COL10A1: variants seen among roughly 807,000 people sequenced by gnomAD.
COL10A1 encodes the protein collagen alpha-1(X) chain.
In COL10A1, 10 loss-of-function variants were observed where a neutral mutation model predicts 18.2. That is an observed-to-expected ratio of 0.55 (90% CI 0.34 to 0.93). The LOEUF (loss-of-function observed/expected upper bound fraction) is 0.93, where lower values mean the gene tolerates loss of function less well. COL10A1 is among the 40% of genes least tolerant of loss of function. COL10A1 has a pLI of 0.02. For missense variants in COL10A1, 897 were observed against 853.5 expected, an observed-to-expected ratio of 1.05 and a Z score of -0.64; for synonymous variants, 330 against 316.6, an observed-to-expected ratio of 1.04 and a Z score of -0.45.
chr6:116,123,149 A>G (rs1251849209), intron 2 of COL10A1, among the ~76,000 whole-genome samples: 1 of 152,200 alleles, frequency 6.6e-6, no homozygotes, highest in Non-Finnish European at 1.5e-5. Context: ...GGTCATGTTC[A>G]CACTAAAAAT....
the COL10A1 span, among the ~76,000 whole-genome samples, chr6:116,209,810 A>G: frequency 6.6e-6 from 1 of 152,036 alleles, no homozygotes; most frequent in African/African-American, 2.4e-5. Flanking sequence ...TGAATTTTAT[A>G]ATTATTATCC....
upstream of COL10A1, among the ~76,000 whole-genome samples, chr6:116,127,354 C>T (rs1779344460): frequency 6.6e-6 from 1 of 152,092 alleles, no homozygotes; most frequent in African/African-American, 2.4e-5. Context: ...CATTGCCTCT[C>T]TCCTCTTGCT....
intron 1 of COL10A1, chr6:116,145,597 A>G (rs1779878819): frequency 5.5e-6 from 1 of 181,830 alleles, no homozygotes; most frequent in African/African-American, 2.4e-5. Flanking sequence ...CCTCTTACCT[A>G]ATATTTGTTT....
At chr6:116,195,472 C>T in the COL10A1 span, among the ~76,000 whole-genome samples, 1 of 151,726 alleles carries the variant, frequency 6.6e-6, no homozygotes, top group Non-Finnish European at 1.5e-5. Flanking sequence ...AAATTGTGAC[C>T]AAATCATTAC....
intron 1 of COL10A1, among the ~76,000 whole-genome samples, chr6:116,152,088 G>A (rs1424798048): frequency 6.6e-6 from 1 of 152,188 alleles, no homozygotes; most frequent in African/African-American, 2.4e-5. Flanking sequence ...TGGAAATTTT[G>A]GAGGAGGTGG....
the COL10A1 span, among the ~76,000 whole-genome samples, chr6:116,197,583 C>T: frequency 6.6e-6 from 1 of 152,006 alleles, no homozygotes; most frequent in African/African-American, 2.4e-5. Context: ...CAGTATAATA[C>T]AGTAATGAAG....
chr6:116,212,853 T>A, the COL10A1 span, among the ~76,000 whole-genome samples: 1 of 152,170 alleles, frequency 6.6e-6, no homozygotes, highest in Non-Finnish European at 1.5e-5. Flanking sequence ...TACTTGTTAA[T>A]TTTGGATTTC....
chr6:116,199,058 A>G, the COL10A1 span, among the ~76,000 whole-genome samples: 1 of 152,022 alleles, frequency 6.6e-6, no homozygotes, highest in East Asian at 1.9e-4. Context: ...GCCTCTATCC[A>G]CTAGATGGTA....
intron 1 of COL10A1, among the ~76,000 whole-genome samples, chr6:116,156,502 A>T (rs1780197983): frequency 6.6e-6 from 1 of 152,202 alleles, no homozygotes; most frequent in South Asian, 2.1e-4. Context: ...GTAAAAAGGA[A>T]TGCGTCTTAA....
intron 1 of COL10A1, among the ~76,000 whole-genome samples, chr6:116,149,354 C>T (rs1222145432): frequency 1.3e-5 from 2 of 152,054 alleles, no homozygotes. Context: ...CTTATTCTTC[C>T]AGTACGTATG....
the COL10A1 span, among the ~76,000 whole-genome samples, chr6:116,214,515 G>A: frequency 1.3e-5 from 2 of 152,108 alleles, no homozygotes; most frequent in Non-Finnish European, 2.9e-5. Context: ...TTCTACTGAA[G>A]TAATTCTCAA....
chr6:116,163,721 A>G (rs1032623027), upstream of COL10A1, among the ~76,000 whole-genome samples: 3 of 152,014 alleles, frequency 2.0e-5, no homozygotes, highest in African/African-American at 7.3e-5. Flanking sequence ...TGCGAATTTG[A>G]GATCTATCTT....
At chr6:116,149,076 G>A (rs748981742) in intron 1 of COL10A1, among the ~76,000 whole-genome samples, 15 of 152,094 alleles carry the variant, frequency 9.9e-5, no homozygotes, top group Non-Finnish European at 1.9e-4. Flanking sequence ...TTTACAATAA[G>A]ACAGGTGCAT....
intron 1 of COL10A1, among the ~76,000 whole-genome samples, chr6:116,148,529 G>A (rs1257257584): frequency 6.6e-6 from 1 of 152,100 alleles, no homozygotes; most frequent in Non-Finnish European, 1.5e-5. Context: ...CACTGTGGAT[G>A]TTGATTTTCA....
chr6:116,122,645 T>TAC (rs1248300990), intron 2 of COL10A1, among the ~76,000 whole-genome samples: 3 of 152,154 alleles, frequency 2.0e-5, no homozygotes, highest in Non-Finnish European at 4.4e-5. Context: ...AAACTAAACT[T>TAC]AAACTAAAAA....
At chr6:116,153,406 T>C (rs1780101045) in intron 1 of COL10A1, among the ~76,000 whole-genome samples, 2 of 152,202 alleles carry the variant, frequency 1.3e-5, no homozygotes, top group Non-Finnish European at 2.9e-5. Context: ...TGTCAGATGA[T>C]ACATTCAGTT....
Position 116,121,003 on chromosome 6 carries a change from T to C in COL10A1, c.1113A>G (p.Gly371=). ...CCCTTTCACCCTTAGCCCCAGGGTA[T>C]CCTGCAGGCCCAGCTGGCCCTGTCT... ...KGETGPAGPA[G]YPGAKGERGS... Residue 371 remains glycine (G), a synonymous_variant, in exon 3 of 3, where the codon GGA becomes GGG. Coordinates refer to ENST00000651968, the MANE Select transcript of COL10A1 (RefSeq NM_000493.4). 5.0e-6 allele frequency: 8 copies of C among 1,613,902 alleles called. No individual in the cohort carries two copies. Among genetic ancestry groups the C allele is most frequent in the Admixed American group, 1.7e-5 (1 of 60,024 alleles).
intron 2 of COL10A1, among the ~76,000 whole-genome samples, chr6:116,123,483 T>C (rs1779199213): frequency 6.6e-6 from 1 of 152,252 alleles, no homozygotes; most frequent in Admixed American, 6.5e-5. Context: ...GAAATCGTGA[T>C]TGGTTGTGTC....
chr6:116,199,313 GA>G, the COL10A1 span, among the ~76,000 whole-genome samples: 2 of 152,026 alleles, frequency 1.3e-5, no homozygotes, highest in Admixed American at 6.6e-5. Flanking sequence ...TCTGGTCTTT[GA>G]TGCTGTGTTC....
Sources: gnomAD v4.1 joint callset for allele counts (sites outside exome capture counted in the v4.1 genomes callset) on GRCh38, gnomAD v4.1.1 for gene constraint, MANE v1.5 for transcripts, NCBI Gene and HGNC (gene_info 2026-07-23, HGNC 2026-07-21) for gene names.